Variants in UTRN observed in about 807,000 individuals in gnomAD.
The protein encoded by UTRN is utrophin.
Under a neutral mutation model 463.9 loss-of-function variants are expected in UTRN, and 283 were observed. The ratio of observed to expected loss-of-function variants is 0.61; its 90% CI spans 0.55 to 0.67. The LOEUF is 0.67. UTRN is among the 30% of genes least tolerant of loss of function. The pLI, the probability that UTRN is intolerant of heterozygous loss-of-function variation, is 0.00. For missense variants in UTRN, 3,922 were observed against 4,084.3 expected, an observed-to-expected ratio of 0.96 and a Z score of 1.08; for synonymous variants, 1,442 against 1,431.5, an observed-to-expected ratio of 1.01 and a Z score of -0.17.
At chr6:144,553,033 T>C (rs1207344244) in intron 48 of UTRN, among the ~76,000 whole-genome samples, 2 of 152,154 alleles carry the variant, frequency 1.3e-5, no homozygotes, top group Non-Finnish European at 2.9e-5. Context: ...TGAACAGCCT[T>C]GTTGATAGCT....
intron 2 of UTRN, among the ~76,000 whole-genome samples, chr6:144,396,028 T>C (rs986352946): frequency 6.6e-6 from 1 of 151,886 alleles, no homozygotes; most frequent in African/African-American, 2.4e-5. Flanking sequence ...ATTTCACTCC[T>C]GCATCTACAC....
chr6:144,535,622 T>C (rs1381044963), intron 43 of UTRN, among the ~76,000 whole-genome samples: 1 of 152,218 alleles, frequency 6.6e-6, no homozygotes, highest in Non-Finnish European at 1.5e-5. Context: ...AACGCTAAAC[T>C]TCACCTTAGG....
At chr6:144,672,325 A>T (rs550541214) in intron 51 of UTRN, among the ~76,000 whole-genome samples, 16 of 151,418 alleles carry the variant, frequency 1.1e-4, no homozygotes, top group African/African-American at 3.1e-4. Flanking sequence ...TTACCATTTC[A>T]ATCTTGCTGC....
At chr6:144,480,691 G>A (rs2128573256) in intron 26 of UTRN, among the ~76,000 whole-genome samples, 1 of 152,266 alleles carries the variant, frequency 6.6e-6, no homozygotes, top group East Asian at 1.9e-4. Context: ...TTCTAACACA[G>A]CTTCAACTGT....
rs570731157 is a variant in UTRN, at chr6:144,498,660, C to CT, written c.4594-585dup. Among the ~76,000 whole-genome samples, 552 of 145,716 alleles carry CT rather than the reference C, an allele frequency of 3.8e-3. 10 individuals are homozygous for CT. In the East Asian group the frequency reaches 0.049, roughly 13 times the overall value. On this transcript the variant is annotated intron_variant, in intron 33 of 74. Coordinates refer to ENST00000367545, the MANE Select transcript of UTRN (RefSeq NM_007124.3). The stretch of plus-strand genomic sequence containing the variant: ...TTTCTCGCTTAATACACATAACAAT[C>CT]TTTTTTTTTTTTGAGACGGGGTCTT...
At chr6:144,304,366 T>A (rs1007825579) in intron 2 of UTRN, among the ~76,000 whole-genome samples, 6 of 152,182 alleles carry the variant, frequency 3.9e-5, no homozygotes, top group African/African-American at 1.4e-4. Context: ...CTCTACAACA[T>A]GTTAGGCTTG....
At position 144,744,522 on chromosome 6, in the gene UTRN, G is replaced by A. The variant is rs955500459; in HGVS notation, c.7940-3724G>A. Among the ~76,000 whole-genome samples the A allele has an allele frequency of 2.0e-5, 3 of 148,162 alleles. No homozygotes were observed. The Admixed American group carries it at 2.0e-4, about 10-fold the overall frequency. On this transcript the variant is annotated intron_variant, in intron 54 of 74. Coordinates refer to ENST00000367545, the MANE Select transcript of UTRN (RefSeq NM_007124.3). ...TTCTTCTGAGTAGTTGAGTGTATAT[G>A]TACGTAATATAATTCTACCCTCAAA...
At chr6:144,647,618 C>T (rs1406748959) in intron 51 of UTRN, among the ~76,000 whole-genome samples, 1 of 152,188 alleles carries the variant, frequency 6.6e-6, no homozygotes, top group Non-Finnish European at 1.5e-5. Context: ...TGGAGCTTTG[C>T]GGTCTAGGGG....
chr6:144,846,813 C>G lies in UTRN; in HGVS notation c.10279C>G (p.Pro3427Ala). 6.2e-7 allele frequency: 1 copy of G among 1,614,030 alleles called. No homozygotes were observed. Among genetic ancestry groups the G allele is most frequent in the Non-Finnish European group, 8.5e-7 (1 of 1,179,938 alleles). The change falls in exon 74 of 75, where the codon CCC becomes GCC. Residue 3427 changes from proline (P) to alanine (A), a missense_variant. Physicochemically the swap from Pro to Ala is conservative, Grantham distance 27 (BLOSUM62 -1). Around this residue, in one of 3 missense-constraint regions of UTRN, gnomAD observed 1,309 missense variants for 1,452.6 expected, o/e 0.90. Transcript: ENST00000367545. ...TTTGTTTTCTCTTTCAGCAAATGTT[C>G]CCAGCAGGCCACAGGTAAGAGTTAA... Reference protein sequence around the residue: ...STFPSCCPNVPSRPQAM With the variant: ...STFPSCCPNVASRPQAM
At chr6:144,767,313 G>C (rs904919400) in intron 58 of UTRN, among the ~76,000 whole-genome samples, 1 of 152,156 alleles carries the variant, frequency 6.6e-6, no homozygotes, top group Non-Finnish European at 1.5e-5. Context: ...AGCTGATCCA[G>C]GCCTGGGATT....
intron 53 of UTRN, among the ~76,000 whole-genome samples, chr6:144,712,839 T>C (rs1429991654): frequency 6.6e-6 from 1 of 152,220 alleles, no homozygotes; most frequent in Admixed American, 6.5e-5. Flanking sequence ...TGCCTTGGAA[T>C]AAGTAAGAAA....
At chr6:144,723,466 A>G (rs965165132) in intron 53 of UTRN, among the ~76,000 whole-genome samples, 3 of 152,192 alleles carry the variant, frequency 2.0e-5, no homozygotes, top group African/African-American at 4.8e-5. Context: ...ATGTCTAGGC[A>G]GGTACAGTAG....
At chr6:144,420,650 G>C (rs1224336862) in intron 3 of UTRN, among the ~76,000 whole-genome samples, 2 of 152,276 alleles carry the variant, frequency 1.3e-5, no homozygotes, top group East Asian at 3.9e-4. Context: ...CTAGTTTTAA[G>C]CACAAAAAGT....
chr6:144,525,157 T>A (rs746340219), intron 41 of UTRN, among the ~76,000 whole-genome samples: 3 of 152,148 alleles, frequency 2.0e-5, no homozygotes, highest in South Asian at 4.1e-4. Flanking sequence ...TCTTTTTTGT[T>A]ATGTCCTTTC....
intron 13 of UTRN, among the ~76,000 whole-genome samples, chr6:144,442,042 AT>A (rs1319316764): frequency 6.6e-6 from 1 of 152,076 alleles, no homozygotes; most frequent in Admixed American, 6.6e-5. Flanking sequence ...TGGGCTTGTG[AT>A]GGGAGGGGCT....
intron 50 of UTRN, among the ~76,000 whole-genome samples, chr6:144,563,099 T>A (rs1432885297): frequency 6.6e-6 from 1 of 152,226 alleles, no homozygotes; most frequent in African/African-American, 2.4e-5. Context: ...TTTGAAATGC[T>A]ATTATCTTTC....
chr6:144,577,827 A>T (rs888360631), intron 51 of UTRN, among the ~76,000 whole-genome samples: 1 of 152,244 alleles, frequency 6.6e-6, no homozygotes, highest in African/African-American at 2.4e-5. Flanking sequence ...TATAAACATT[A>T]TAAGGAATCT....
intron 2 of UTRN, among the ~76,000 whole-genome samples, chr6:144,332,044 C>T (rs760845751): frequency 1.2e-4 from 19 of 152,212 alleles, no homozygotes; most frequent in Non-Finnish European, 2.4e-4. Flanking sequence ...CTTTCCTCCA[C>T]CTGGAATACC....
At chr6:144,290,937 T>A (rs578230807) in intron 1 of UTRN, among the ~76,000 whole-genome samples, 21 of 151,164 alleles carry the variant, frequency 1.4e-4, no homozygotes, top group Admixed American at 1.1e-3. Context: ...GCTAATTTTT[T>A]TTTTTTTTTT....
Sources: gnomAD v4.1 joint callset for allele counts (sites outside exome capture counted in the v4.1 genomes callset) on GRCh38, gnomAD v4.1.1 for gene constraint, gnomAD v4.1.1 regional missense constraint, MANE v1.5 for transcripts, NCBI Gene and HGNC (gene_info 2026-07-23, HGNC 2026-07-21) for gene names.